Variants in PPP4R3A observed in about 807,000 individuals in gnomAD.
PPP4R3A encodes serine/threonine-protein phosphatase 4 regulatory subunit 3A.
Under a neutral mutation model 91.7 loss-of-function variants are expected in PPP4R3A, and 15 were observed. That is an observed-to-expected ratio of 0.16 (90% confidence interval 0.11 to 0.25). The LOEUF is 0.25. Among genes scored for constraint, PPP4R3A ranks in the 10% least tolerant of loss-of-function variants. PPP4R3A has a pLI of 1.00. For synonymous variants in PPP4R3A, 377 were observed against 348.7 expected, an observed-to-expected ratio of 1.08 and a Z score of -0.91; for missense variants, 623 against 998.4, an observed-to-expected ratio of 0.62 and a Z score of 5.07.
chr14:91,470,503 T>C (rs1377878894), intron 10 of PPP4R3A, among the ~76,000 whole-genome samples: 1 of 152,196 alleles, frequency 6.6e-6, no homozygotes, highest in Non-Finnish European at 1.5e-5. Context: ...TTTCAGCTTG[T>C]AGGCTGTACA....
chr14:91,494,449 C>G (rs893939268), intron 1 of PPP4R3A, among the ~76,000 whole-genome samples: 1 of 152,092 alleles, frequency 6.6e-6, no homozygotes, highest in African/African-American at 2.4e-5. Flanking sequence ...ACTCTTACAA[C>G]TCAATATTAA....
At chr14:91,479,890 T>C (rs1889446509) in intron 4 of PPP4R3A, among the ~76,000 whole-genome samples, 1 of 152,216 alleles carries the variant, frequency 6.6e-6, no homozygotes, top group Admixed American at 6.5e-5. Context: ...CTGCCTTGGC[T>C]TCCCAAAGTG....
chr14:91,463,447 T>G (rs1275504298), intron 11 of PPP4R3A, among the ~76,000 whole-genome samples: 7 of 152,060 alleles, frequency 4.6e-5, no homozygotes, highest in African/African-American at 7.2e-5. Context: ...TATGTGTATT[T>G]TTTAGAGATG....
At chr14:91,507,102 T>A (rs1340101604) in intron 1 of PPP4R3A, among the ~76,000 whole-genome samples, 1 of 151,824 alleles carries the variant, frequency 6.6e-6, no homozygotes, top group East Asian at 1.9e-4. Context: ...GTGGATCACC[T>A]GAGGTACAGA....
chr14:91,496,357 GGTT>G lies in PPP4R3A; in HGVS notation c.143-5558_143-5556del, dbSNP rs547176154. Among the ~76,000 whole-genome samples the G allele has an allele frequency of 2.4e-4, 36 of 152,256 alleles. No individual in the cohort carries two copies. The East Asian group carries it at 6.7e-3, about 29-fold the overall frequency. On this transcript the variant is annotated intron_variant, in intron 1 of 14. Transcript: ENST00000554943. Reference sequence around the variant, plus strand: ...AGAAACACATAGCACAGGGGATTGAGGTTGTTATTCAAGTTGTGCTTTCAAGAA... The same window carrying G: ...AGAAACACATAGCACAGGGGATTGAGGTTATTCAAGTTGTGCTTTCAAGAA...
chr14:91,468,294 A>G (rs535146068), intron 10 of PPP4R3A, among the ~76,000 whole-genome samples: 6 of 152,338 alleles, frequency 3.9e-5, no homozygotes, highest in African/African-American at 1.4e-4. Flanking sequence ...TTTCTTTGCA[A>G]TACTGCAAGC....
intron 10 of PPP4R3A, among the ~76,000 whole-genome samples, 154 bp from the exon 11 acceptor site, chr14:91,465,573 A>G (rs1035937260): frequency 6.6e-6 from 1 of 152,208 alleles, no homozygotes; most frequent in Admixed American, 6.5e-5. Flanking sequence ...GAACCTAAAG[A>G]TAAGGATTAT....
chr14:91,462,620 T>C (rs1215263025), intron 12 of PPP4R3A, 115 bp downstream of exon 12: 5 of 1,148,526 alleles, frequency 4.4e-6, no homozygotes, highest in African/African-American at 1.6e-5. Context: ...AATTTCTATT[T>C]GCTATCTGCT....
chr14:91,488,132 T>G (rs548902444), intron 2 of PPP4R3A, among the ~76,000 whole-genome samples: 7 of 151,782 alleles, frequency 4.6e-5, no homozygotes, highest in Middle Eastern at 3.4e-3. Flanking sequence ...GACGCTGCAG[T>G]GCACTATGAT....
At chr14:91,480,373 A>G (rs1290728555) in intron 4 of PPP4R3A, among the ~76,000 whole-genome samples, 1 of 152,168 alleles carries the variant, frequency 6.6e-6, no homozygotes, top group Non-Finnish European at 1.5e-5. Context: ...ATTAAGTGAC[A>G]GACGGAGCTG....
intron 1 of PPP4R3A, among the ~76,000 whole-genome samples, chr14:91,495,459 C>A (rs1280120284): frequency 6.6e-6 from 1 of 151,898 alleles, no homozygotes; most frequent in African/African-American, 2.4e-5. Flanking sequence ...GGACTACAGG[C>A]ACATTCCCAG....
In PPP4R3A at chr14:91,462,744, T is replaced by C; in HGVS notation, c.1964A>G (p.Lys655Arg). 6.2e-7 allele frequency: 1 copy of C among 1,613,786 alleles called. No individual in the cohort carries two copies. The highest frequency in any genetic ancestry group is 1.1e-5 in the South Asian group (1 of 91,076). Residue 655 changes from lysine to arginine, a missense_variant, in exon 12 of 15, where the codon AAA becomes AGA. Physicochemically the swap from Lys to Arg is conservative, Grantham distance 26. Transcript: ENST00000554943. ...ATATATGGTAATTTACCTGTCAAGT[T>C]TGGGATTATCTTGCCTTTCTCTTTG... ...EQQRERQDNP[K>R]LDSMRSILRN...
rs534728960 is a variant in PPP4R3A at position 91,481,271 on chromosome 14, G to A, written c.915+305C>T. Among the ~76,000 whole-genome samples the A allele has an allele frequency of 4.3e-4, 66 of 152,244 alleles. 1 individual carries two copies. Among genetic ancestry groups the A allele is most frequent in the African/African-American group, 1.6e-3 (65 of 41,558 alleles). On this transcript the variant is annotated intron_variant, in intron 4 of 14. Coordinates refer to ENST00000554943, the MANE Select transcript of PPP4R3A (RefSeq NM_001366432.2). ...TGTTTCAGCCAGGGAAGCGAAGGTG[G>A]AGGTTGCAGTCGCTGAGACTGCATT...
At position 91,497,341 on chromosome 14, in the gene PPP4R3A, TACACACACACAC is replaced by T. The variant is rs10542688; in HGVS notation, c.143-6551_143-6540del. Among the ~76,000 whole-genome samples, 1,180 of 148,180 alleles carry T rather than the reference TACACACACACAC, an allele frequency of 8.0e-3. 14 individuals are homozygous for T. Among genetic ancestry groups the T allele is most frequent in the African/African-American group, 0.022 (881 of 40,080 alleles). ...TATCTCCCAAGAGGAATCTTTTATT[TACACACACACAC>T]ACACACACACACACACACACACACA... On this transcript the variant is annotated intron_variant, in intron 1 of 14. Coordinates refer to ENST00000554943, the MANE Select transcript of PPP4R3A (RefSeq NM_001366432.2).
chr14:91,503,865 A>G (rs937842607), intron 1 of PPP4R3A, among the ~76,000 whole-genome samples: 5 of 152,178 alleles, frequency 3.3e-5, no homozygotes, highest in Non-Finnish European at 7.4e-5. Flanking sequence ...AAAACAAAAT[A>G]ATCTGAAATG....
At chr14:91,460,213 C>A (rs539986918) in intron 14 of PPP4R3A, among the ~76,000 whole-genome samples, 1 of 151,982 alleles carries the variant, frequency 6.6e-6, no homozygotes, top group East Asian at 1.9e-4. Flanking sequence ...GGGGTTTCAC[C>A]GTATTAGCCA....
intron 11 of PPP4R3A, among the ~76,000 whole-genome samples, chr14:91,464,940 T>A (rs569967795): frequency 6.6e-6 from 1 of 152,302 alleles, no homozygotes; most frequent in South Asian, 2.1e-4. Context: ...GCTGCTGATC[T>A]GATAGGAGGT....
chr14:91,483,668 G>A (rs1162606170), intron 3 of PPP4R3A, among the ~76,000 whole-genome samples: 1 of 152,120 alleles, frequency 6.6e-6, no homozygotes, highest in Non-Finnish European at 1.5e-5. Context: ...ATCTCAGAGA[G>A]CAAAATGTAA....
At position 91,510,115 on chromosome 14, in the gene PPP4R3A, CCT is replaced by C. The variant is rs983989286; in HGVS notation, c.-470_-469del. 5.6e-5 allele frequency: 11 copies of C among 195,844 alleles called. No individual in the cohort carries two copies. Among genetic ancestry groups the C allele is most frequent in the East Asian group, 1.8e-4 (1 of 5,438 alleles). The allele number at this position is 195,844 out of a possible 1,614,324, so 12.1% of individuals were successfully genotyped here. A position where few individuals can be genotyped will look rare whatever the true frequency, so the allele number is the denominator to read the frequency against. Reference sequence around the variant, plus strand: ...CGGCCAGTGGCTCCCTTCCGCTCCCCCTGTTTTAAACGTCAGAAGCCGACAGG... The same window carrying C: ...CGGCCAGTGGCTCCCTTCCGCTCCCCGTTTTAAACGTCAGAAGCCGACAGG... On this transcript the variant is annotated 5_prime_UTR_variant, in exon 1 of 15. Coordinates refer to ENST00000554943, the MANE Select transcript of PPP4R3A (RefSeq NM_001366432.2).
Sources: gnomAD v4.1 joint callset for allele counts (sites outside exome capture counted in the v4.1 genomes callset) on GRCh38, gnomAD v4.1.1 for gene constraint, MANE v1.5 for transcripts, NCBI Gene and HGNC (gene_info 2026-07-23, HGNC 2026-07-21) for gene names.